Variants in CNTNAP4 observed in about 807,000 individuals in gnomAD.
CNTNAP4 encodes the protein contactin associated protein family member 4, also known as contactin-associated protein-like 4.
In CNTNAP4, 98 loss-of-function variants were observed where a neutral mutation model predicts 148.4. That is an observed-to-expected ratio of 0.66 (90% CI 0.56 to 0.78). The LOEUF (loss-of-function observed/expected upper bound fraction) is 0.78, where lower values mean the gene tolerates loss of function less well. CNTNAP4 is among the 30% of genes least tolerant of loss of function. CNTNAP4 has a pLI of 0.00. For missense variants in CNTNAP4, 1,935 were observed against 1,565.6 expected (o/e 1.24, Z -3.98); for synonymous variants, 730 against 565.1 (o/e 1.29, Z -4.14).
chr16:76,451,125 G>A (rs4398134), intron 7 of CNTNAP4, among the ~76,000 whole-genome samples: 49,517 of 152,114 alleles, frequency 0.33, 9,609 homozygotes, highest in Non-Finnish European at 0.42. Context: ...GAAGAGATGG[G>A]CCATAGTGCA....
chr16:76,470,938 T>G (rs1376286645), intron 10 of CNTNAP4, among the ~76,000 whole-genome samples: 1 of 152,066 alleles, frequency 6.6e-6, no homozygotes, highest in African/African-American at 2.4e-5. Flanking sequence ...CTCCTTACAC[T>G]TTCACACACC....
chr16:76,394,936 C>G (rs892665560), intron 3 of CNTNAP4, among the ~76,000 whole-genome samples: 1 of 152,142 alleles, frequency 6.6e-6, no homozygotes, highest in African/African-American at 2.4e-5. Flanking sequence ...TGTGACTCCT[C>G]TTTTACCACC....
intron 15 of CNTNAP4, among the ~76,000 whole-genome samples, chr16:76,504,642 C>A (rs1172650494): frequency 6.6e-6 from 1 of 151,958 alleles, no homozygotes; most frequent in Non-Finnish European, 1.5e-5. Context: ...AAGCTTCTGC[C>A]TTTAAAATGA....
At chr16:76,553,785 T>G (rs1006320660) in intron 22 of CNTNAP4, 51 bp from the exon 23 acceptor site, 15 of 1,163,222 alleles carry the variant, frequency 1.3e-5, no homozygotes, top group Non-Finnish European at 1.4e-5. Flanking sequence ...TCAAAATTTC[T>G]TCTTTTACTT....
chr16:76,286,285 C>T (rs558660926), intron 1 of CNTNAP4, among the ~76,000 whole-genome samples: 1 of 151,174 alleles, frequency 6.6e-6, no homozygotes, highest in Non-Finnish European at 1.5e-5. Flanking sequence ...AGCATTGCCC[C>T]TAGGTGGCAC....
At chr16:76,375,005 G>A (rs900316068) in intron 3 of CNTNAP4, among the ~76,000 whole-genome samples, 3 of 152,020 alleles carry the variant, frequency 2.0e-5, no homozygotes, top group Admixed American at 1.3e-4. Context: ...CTGACCTCAG[G>A]TGATCTGCCC....
intron 2 of CNTNAP4, among the ~76,000 whole-genome samples, chr16:76,351,755 T>C (rs2011798595): frequency 6.6e-6 from 1 of 152,224 alleles, no homozygotes; most frequent in Non-Finnish European, 1.5e-5. Flanking sequence ...CAGCTGTAAC[T>C]GTGAGCAGCG....
At chr16:76,340,820 C>T (rs1447862015) in intron 2 of CNTNAP4, among the ~76,000 whole-genome samples, 2 of 152,164 alleles carry the variant, frequency 1.3e-5, no homozygotes, top group African/African-American at 4.8e-5. Context: ...CTTTTTCTCT[C>T]TGCTAAAATT....
chr16:76,288,275 G>T (rs2143803252), intron 1 of CNTNAP4, among the ~76,000 whole-genome samples: 1 of 152,166 alleles, frequency 6.6e-6, no homozygotes, highest in African/African-American at 2.4e-5. Context: ...GGCCTCTCTA[G>T]CCATGCAGAA....
At chr16:76,305,848 C>G (rs1234514453) in intron 1 of CNTNAP4, among the ~76,000 whole-genome samples, 1 of 152,108 alleles carries the variant, frequency 6.6e-6, no homozygotes, top group Non-Finnish European at 1.5e-5. Flanking sequence ...GTCAGCTGTT[C>G]CCATGTTTAT....
At chr16:76,386,262 A>C (rs144096550) in intron 3 of CNTNAP4, among the ~76,000 whole-genome samples, 54 of 152,342 alleles carry the variant, frequency 3.5e-4, no homozygotes, top group African/African-American at 1.3e-3. Context: ...GTATAGCTCT[A>C]TTATATTCTT....
At chr16:76,399,569 T>G (rs546143957) in intron 3 of CNTNAP4, among the ~76,000 whole-genome samples, 4 of 152,314 alleles carry the variant, frequency 2.6e-5, no homozygotes, top group Non-Finnish European at 4.4e-5. Context: ...ACCTACACAG[T>G]TGACAATGTC....
chr16:76,370,159 C>T (rs182305937), intron 3 of CNTNAP4, among the ~76,000 whole-genome samples: 9 of 152,196 alleles, frequency 5.9e-5, no homozygotes, highest in South Asian at 4.1e-4. Context: ...TAGAATAAAG[C>T]GTACCTTGGT....
intron 7 of CNTNAP4, among the ~76,000 whole-genome samples, chr16:76,451,742 A>G (rs1041096312): frequency 6.6e-6 from 1 of 151,966 alleles, no homozygotes; most frequent in African/African-American, 2.4e-5. Context: ...AATGATGCAT[A>G]AGATCAAGCT....
intron 3 of CNTNAP4, among the ~76,000 whole-genome samples, chr16:76,362,204 A>G (rs1162612793): frequency 1.3e-5 from 2 of 152,190 alleles, no homozygotes; most frequent in Non-Finnish European, 2.9e-5. Flanking sequence ...CATGGGAACA[A>G]AAGAGCTGTA....
At chr16:76,545,886 T>C (rs2084702294) in intron 21 of CNTNAP4, among the ~76,000 whole-genome samples, 1 of 151,872 alleles carries the variant, frequency 6.6e-6, no homozygotes, top group South Asian at 2.1e-4. Flanking sequence ...AATACAAAAA[T>C]TAGCCGGGCG....
chr16:76,340,934 C>A (rs138237664), intron 2 of CNTNAP4, among the ~76,000 whole-genome samples: 1 of 152,198 alleles, frequency 6.6e-6, no homozygotes, highest in Non-Finnish European at 1.5e-5. Flanking sequence ...TCCTTTATAG[C>A]CCTTAAGATT....
At chr16:76,444,755 A>AT (rs530828606) in intron 4 of CNTNAP4, among the ~76,000 whole-genome samples, 1 of 151,870 alleles carries the variant, frequency 6.6e-6, no homozygotes, top group Non-Finnish European at 1.5e-5. Context: ...ATCATCCAGA[A>AT]TTTTTTTTCA....
chr16:76,309,890 C>G, intron 1 of CNTNAP4: 1 of 701,850 alleles, frequency 1.4e-6, no homozygotes, highest in Non-Finnish European at 2.6e-6. Flanking sequence ...CTGAGGCCTT[C>G]CCAGCTATGT....
Sources: gnomAD v4.1 joint callset for allele counts (sites outside exome capture counted in the v4.1 genomes callset) on GRCh38, gnomAD v4.1.1 for gene constraint, MANE v1.5 for transcripts, NCBI Gene and HGNC (gene_info 2026-07-23, HGNC 2026-07-21) for gene names.